The following ADAMTS6 variants were observed in gnomAD, a reference collection of about 807,000 sequenced individuals.
The protein encoded by ADAMTS6 is A disintegrin and metalloproteinase with thrombospondin motifs 6.
ADAMTS6 carries 23 observed loss-of-function variants against 144.3 expected under a neutral mutation model. The ratio of observed to expected loss-of-function variants is 0.16; its 90% CI spans 0.11 to 0.23. ADAMTS6 has a LOEUF of 0.23. Ranked by LOEUF, ADAMTS6 falls within the 10% of genes least tolerant of loss-of-function variation. The pLI is 1.00. For missense variants in ADAMTS6, 999 were observed against 1,379.6 expected (o/e 0.72, Z 4.37); for synonymous variants, 444 against 457.5 (o/e 0.97, Z 0.38).
At chr5:65,370,620 G>A (rs967361648) in intron 7 of ADAMTS6, among the ~76,000 whole-genome samples, 1 of 152,222 alleles carries the variant, frequency 6.6e-6, no homozygotes, top group African/African-American at 2.4e-5. Context: ...GGATCGGAGG[G>A]TCCTACGCCC....
intron 7 of ADAMTS6, among the ~76,000 whole-genome samples, chr5:65,411,315 T>C (rs918317073): frequency 6.6e-6 from 1 of 152,202 alleles, no homozygotes. Context: ...AGCAGTGGGA[T>C]TGCTGGAGCC....
intron 7 of ADAMTS6, among the ~76,000 whole-genome samples, chr5:65,405,742 G>A (rs1481142571): frequency 6.6e-6 from 1 of 152,126 alleles, no homozygotes; most frequent in Non-Finnish European, 1.5e-5. Context: ...TAGGCACTAT[G>A]GCCATTTTCA....
chr5:65,430,342 T>G (rs1211975597), intron 7 of ADAMTS6, among the ~76,000 whole-genome samples: 1 of 151,972 alleles, frequency 6.6e-6, no homozygotes, highest in Non-Finnish European at 1.5e-5. Flanking sequence ...AAAACAGAAT[T>G]AGAGAGGCTC....
chr5:65,268,335 G>C (rs538906275), intron 12 of ADAMTS6, among the ~76,000 whole-genome samples: 1 of 152,172 alleles, frequency 6.6e-6, no homozygotes, highest in African/African-American at 2.4e-5. Context: ...ATTGGGTTTT[G>C]ATTATCCTTA....
At chr5:65,249,023 G>A (rs931059411) in intron 14 of ADAMTS6, among the ~76,000 whole-genome samples, 3 of 152,036 alleles carry the variant, frequency 2.0e-5, no homozygotes, top group African/African-American at 7.2e-5. Context: ...GTGTGTGTGT[G>A]TGTGCGCGCA....
chr5:65,249,569 ACTT>A (rs1759968853), intron 14 of ADAMTS6, among the ~76,000 whole-genome samples: 1 of 151,868 alleles, frequency 6.6e-6, no homozygotes, highest in South Asian at 2.1e-4. Context: ...AACTAAATAA[ACTT>A]CTGCTCCAGC....
chr5:65,439,545 T>C (rs1363599830), intron 7 of ADAMTS6, among the ~76,000 whole-genome samples: 1 of 152,074 alleles, frequency 6.6e-6, no homozygotes, highest in African/African-American at 2.4e-5. Flanking sequence ...TGCTATATAC[T>C]CTTTTAAAAT....
At chr5:65,330,269 C>T (rs1249935480) in intron 8 of ADAMTS6, among the ~76,000 whole-genome samples, 1 of 152,022 alleles carries the variant, frequency 6.6e-6, no homozygotes, top group African/African-American at 2.4e-5. Context: ...TATTTACTTT[C>T]AAATGAATAT....
chr5:65,208,960 C>T (rs1305127234), intron 20 of ADAMTS6, among the ~76,000 whole-genome samples: 1 of 152,186 alleles, frequency 6.6e-6, no homozygotes, highest in African/African-American at 2.4e-5. Context: ...CCCTAGACTA[C>T]TGAATCAGAA....
intron 18 of ADAMTS6, among the ~76,000 whole-genome samples, chr5:65,221,792 AG>A (rs1409545951): frequency 3.3e-5 from 5 of 152,316 alleles, no homozygotes; most frequent in Admixed American, 3.3e-4. Flanking sequence ...TGAGTGAACC[AG>A]GTCTCAGGAC....
intron 12 of ADAMTS6, among the ~76,000 whole-genome samples, chr5:65,269,340 T>C (rs933076143): frequency 7.2e-5 from 11 of 152,154 alleles, no homozygotes; most frequent in Admixed American, 2.0e-4. Context: ...TGTCACACAA[T>C]CATATATGCT....
At chr5:65,238,928 A>G (rs1329510568) in intron 15 of ADAMTS6, among the ~76,000 whole-genome samples, 1 of 152,204 alleles carries the variant, frequency 6.6e-6, no homozygotes, top group Non-Finnish European at 1.5e-5. Flanking sequence ...TGCGGACATT[A>G]ACAACTGATG....
chr5:65,186,301 T>C (rs1395212617), intron 22 of ADAMTS6, among the ~76,000 whole-genome samples: 1 of 152,178 alleles, frequency 6.6e-6, no homozygotes, highest in Non-Finnish European at 1.5e-5. Context: ...ATATTAATTA[T>C]ACATTTATAC....
chr5:65,412,552 G>C (rs2150184530), intron 7 of ADAMTS6, among the ~76,000 whole-genome samples: 1 of 152,116 alleles, frequency 6.6e-6, no homozygotes, highest in East Asian at 1.9e-4. Context: ...TGTATTATAA[G>C]CTATTTTCAC....
At chr5:65,371,492 A>C (rs550137437) in intron 7 of ADAMTS6, among the ~76,000 whole-genome samples, 15 of 152,146 alleles carry the variant, frequency 9.9e-5, no homozygotes, top group Admixed American at 2.6e-4. Flanking sequence ...CTCAGGAGCC[A>C]ATGCGATCAA....
chr5:65,401,804 T>A (rs1192430924), intron 7 of ADAMTS6, among the ~76,000 whole-genome samples: 1 of 152,192 alleles, frequency 6.6e-6, no homozygotes, highest in Non-Finnish European at 1.5e-5. Flanking sequence ...GATTTTTGTG[T>A]ACTGTTAGGA....
chr5:65,170,278 CT>C (rs1274879652), intron 24 of ADAMTS6, among the ~76,000 whole-genome samples: 2 of 152,186 alleles, frequency 1.3e-5, no homozygotes, highest in African/African-American at 4.8e-5. Context: ...GAAGTTTGCA[CT>C]TCAAGAGTAG....
chr5:65,371,063 C>G (rs1561472945), intron 7 of ADAMTS6, among the ~76,000 whole-genome samples: 1 of 152,124 alleles, frequency 6.6e-6, no homozygotes, highest in African/African-American at 2.4e-5. Context: ...AGCTGAGTGT[C>G]CTGTCTGTTA....
At chr5:65,426,207 T>C (rs926491614) in intron 7 of ADAMTS6, among the ~76,000 whole-genome samples, 40 of 144,112 alleles carry the variant, frequency 2.8e-4, no homozygotes, top group African/African-American at 9.9e-4. Flanking sequence ...CCACCATGCC[T>C]GGCTAATTTT....
Sources: gnomAD v4.1 joint callset for allele counts (sites outside exome capture counted in the v4.1 genomes callset) on GRCh38, gnomAD v4.1.1 for gene constraint, MANE v1.5 for transcripts, NCBI Gene and HGNC (gene_info 2026-07-23, HGNC 2026-07-21) for gene names.